The following ZNF385D variants were observed in gnomAD, a reference collection of about 807,000 sequenced individuals.
ZNF385D encodes the protein zinc finger protein 659.
In ZNF385D, 15 loss-of-function variants were observed where a neutral mutation model predicts 35.8. That is an observed-to-expected ratio of 0.42 (90% confidence interval 0.28 to 0.64). The LOEUF is 0.64. Ranked by LOEUF, ZNF385D falls within the 30% of genes least tolerant of loss-of-function variation. The probability of loss-of-function intolerance (pLI) is 0.23; values close to 1 mark genes in which losing one functional copy is unlikely to be tolerated. For missense variants in ZNF385D, 474 were observed against 494.6 expected, an observed-to-expected ratio of 0.96 and a Z score of 0.39; for synonymous variants, 212 against 186.8, an observed-to-expected ratio of 1.13 and a Z score of -1.10.
intron 4 of ZNF385D, among the ~76,000 whole-genome samples, chr3:21,473,141 TC>T (rs1268283496): frequency 6.6e-6 from 1 of 152,058 alleles, no homozygotes; most frequent in East Asian, 1.9e-4. Context: ...TCCTACTTAA[TC>T]CCCTCTGATG....
chr3:21,994,788 G>A (rs1695360377), intron 3 of ZNF385D, among the ~76,000 whole-genome samples: 1 of 152,190 alleles, frequency 6.6e-6, no homozygotes, highest in Admixed American at 6.5e-5. Flanking sequence ...GTCTCAGTAT[G>A]ATTTCTTCAG....
chr3:21,493,503 G>T (rs1362443767), intron 4 of ZNF385D, among the ~76,000 whole-genome samples: 1 of 152,016 alleles, frequency 6.6e-6, no homozygotes, highest in Non-Finnish European at 1.5e-5. Flanking sequence ...GAAAAACTAT[G>T]ACCTCTGAAC....
chr3:21,610,144 C>CAA (rs10663615), intron 2 of ZNF385D, among the ~76,000 whole-genome samples: 16,950 of 148,978 alleles, frequency 0.11, 1,225 homozygotes, highest in African/African-American at 0.2. Context: ...TCGCATCTAC[C>CAA]AAAAAAAAAA....
intron 2 of ZNF385D, among the ~76,000 whole-genome samples, chr3:21,625,911 C>T (rs1476991147): frequency 6.6e-6 from 1 of 152,078 alleles, no homozygotes; most frequent in Non-Finnish European, 1.5e-5. Context: ...TCAAATTACC[C>T]CTCCTTTCAG....
chr3:22,123,960 C>CTATAATATA (rs1222647240), intron 3 of ZNF385D, among the ~76,000 whole-genome samples: 1 of 72,854 alleles, frequency 1.4e-5, no homozygotes, highest in African/African-American at 4.6e-5. Context: ...CTCTCTCTCT[C>CTATAATATA]TCTATATATA....
intron 2 of ZNF385D, among the ~76,000 whole-genome samples, chr3:22,312,137 T>C (rs988878451): frequency 6.6e-6 from 1 of 152,166 alleles, no homozygotes; most frequent in South Asian, 2.1e-4. Flanking sequence ...TAATTCATCA[T>C]GTATGGAATT....
intron 3 of ZNF385D, among the ~76,000 whole-genome samples, chr3:22,124,903 T>C (rs142888445): frequency 6.0e-4 from 92 of 152,234 alleles, no homozygotes; most frequent in African/African-American, 2.1e-3. Context: ...CTTGGCTGCA[T>C]AGAAGCTTTT....
chr3:21,960,203 T>TACACACACACAGACACAC (rs1553707259), intron 3 of ZNF385D, among the ~76,000 whole-genome samples: 2 of 149,372 alleles, frequency 1.3e-5, no homozygotes, highest in Non-Finnish European at 3.0e-5. Flanking sequence ...TAAACAGCAA[T>TACACACACACAGACACAC]ACACACACAC....
Position 21,503,447 on chromosome 3 carries a change from C to T in ZNF385D, c.439+7414G>A, listed in dbSNP as rs146387303. Reference sequence around the variant, plus strand: ...CAAAAGCTAATTTACAGTTGCCCTCCATAGAAAACTATTTGCTTGTTTCCT... The same window carrying T: ...CAAAAGCTAATTTACAGTTGCCCTCTATAGAAAACTATTTGCTTGTTTCCT... On this transcript the variant is annotated intron_variant, in intron 4 of 7. Coordinates refer to ENST00000281523, the MANE Select transcript of ZNF385D (RefSeq NM_024697.3). Among the ~76,000 whole-genome samples, 16 of 152,274 alleles carry T rather than the reference C, an allele frequency of 1.1e-4. No individual in the cohort carries two copies. The East Asian group carries it at 3.1e-3, about 29-fold the overall frequency.
chr3:21,942,562 T>C (rs975388623), intron 3 of ZNF385D: 3 of 152,228 alleles, frequency 2.0e-5, no homozygotes, highest in African/African-American at 7.2e-5. Context: ...CAGGCAATGC[T>C]CTGAGCTTTC....
At chr3:22,292,952 T>A (rs1048994779) in intron 2 of ZNF385D, among the ~76,000 whole-genome samples, 2 of 152,122 alleles carry the variant, frequency 1.3e-5, no homozygotes, top group Admixed American at 6.6e-5. Context: ...CCTTTAGACA[T>A]GATGCCAGTA....
At position 21,437,701 on chromosome 3, in the gene ZNF385D, C is replaced by CAAAAAAAAAAAAAAAAAA. The variant is rs751739275; in HGVS notation, c.440-516_440-499dup. On this transcript the variant is annotated intron_variant, in intron 4 of 7. Transcript: ENST00000281523. Reference sequence around the variant, plus strand: ...ACAGATCCTTTTGCAAATGCTTATACAAAAAAAAAAAAAAAAAACCGGAAC... The same window carrying CAAAAAAAAAAAAAAAAAA: ...ACAGATCCTTTTGCAAATGCTTATACAAAAAAAAAAAAAAAAAAAAAAAAAAAAAAAAAAAACCGGAAC... 2.1e-4 allele frequency among the ~76,000 whole-genome samples: 16 copies of CAAAAAAAAAAAAAAAAAA among 77,192 alleles called. 1 individual carries two copies. The highest frequency in any genetic ancestry group is 2.6e-4 in the African/African-American group (5 of 19,092). 50.6% of individuals were successfully genotyped at this position (77,192 alleles called of 152,430 possible).
intron 2 of ZNF385D, among the ~76,000 whole-genome samples, chr3:22,207,260 A>G (rs1697218856): frequency 6.6e-6 from 1 of 151,976 alleles, no homozygotes; most frequent in African/African-American, 2.4e-5. Flanking sequence ...GATACGGTCT[A>G]GAACAGATTT....
At chr3:21,666,120 C>T (rs1363919770) in intron 1 of ZNF385D, among the ~76,000 whole-genome samples, 1 of 152,210 alleles carries the variant, frequency 6.6e-6, no homozygotes, top group Non-Finnish European at 1.5e-5. Flanking sequence ...TGAGTCTCCT[C>T]GTATAAATTG....
intron 2 of ZNF385D, among the ~76,000 whole-genome samples, chr3:22,227,508 A>C (rs1576528022): frequency 6.6e-6 from 1 of 152,140 alleles, no homozygotes; most frequent in African/African-American, 2.4e-5. Flanking sequence ...ACATTTTGAC[A>C]CAGTTGTCTT....
chr3:21,453,395 G>A (rs73044428), intron 4 of ZNF385D, among the ~76,000 whole-genome samples: 41,979 of 151,564 alleles, frequency 0.28, 6,455 homozygotes, highest in East Asian at 0.43. Context: ...AAGTTTTTTC[G>A]TGTGTAAAAA....
chr3:21,753,616 G>T (rs1371647252), upstream of ZNF385D, among the ~76,000 whole-genome samples: 1 of 152,150 alleles, frequency 6.6e-6, no homozygotes, highest in Non-Finnish European at 1.5e-5. Context: ...TGCAATTAAG[G>T]CTTATCTGGA....
rs561559313 is a variant in ZNF385D at position 21,617,732 on chromosome 3, CAA to C, written c.165+47152_165+47153del. ...TGCACTGATGTCCTTTGATGTCTAT[CAA>C]ACTGTTTTATAAAGTACTTAGTTCT... On this transcript the variant is annotated intron_variant, in intron 2 of 7. Coordinates refer to ENST00000281523, the MANE Select transcript of ZNF385D (RefSeq NM_024697.3). Among the ~76,000 whole-genome samples, 413 of 152,244 alleles carry C rather than the reference CAA, an allele frequency of 2.7e-3. 1 individual carries two copies. Among genetic ancestry groups the C allele is most frequent in the African/African-American group, 9.6e-3 (397 of 41,534 alleles).
At chr3:21,894,239 T>C (rs1699020249) in intron 3 of ZNF385D, among the ~76,000 whole-genome samples, 1 of 152,164 alleles carries the variant, frequency 6.6e-6, no homozygotes, top group African/African-American at 2.4e-5. Flanking sequence ...TTAAACAAAT[T>C]GAGACCATTA....
Sources: gnomAD v4.1 joint callset for allele counts (sites outside exome capture counted in the v4.1 genomes callset) on GRCh38, gnomAD v4.1.1 for gene constraint, MANE v1.5 for transcripts, NCBI Gene and HGNC (gene_info 2026-07-23, HGNC 2026-07-21) for gene names.